ABI1: variants seen among roughly 807,000 people sequenced by gnomAD.
The protein encoded by ABI1 is abl interactor 1.
ABI1 carries 14 observed loss-of-function variants against 54.6 expected under a neutral mutation model. The ratio of observed to expected loss-of-function variants is 0.26; its 90% CI spans 0.17 to 0.40. The LOEUF is 0.40. Among genes scored for constraint, ABI1 ranks in the 10% least tolerant of loss-of-function variants. The pLI is 1.00. For synonymous variants in ABI1, 194 were observed against 209.3 expected (o/e 0.93, Z 0.63); for missense variants, 443 against 598.3 (o/e 0.74, Z 2.71).
At chr10:26,845,909 G>T in intron 1 of ABI1, among the ~76,000 whole-genome samples, 1 of 152,036 alleles carries the variant, frequency 6.6e-6, no homozygotes, top group South Asian at 2.1e-4. Context: ...TTGGGAGGCC[G>T]AGGCAGGCAG....
At chr10:26,799,006 C>T (rs771782791) in intron 2 of ABI1, among the ~76,000 whole-genome samples, 34 of 152,036 alleles carry the variant, frequency 2.2e-4, no homozygotes, top group Non-Finnish European at 3.7e-4. Context: ...GAACAGATGA[C>T]ATAAGTAGAA....
intron 7 of ABI1, among the ~76,000 whole-genome samples, chr10:26,764,441 A>G (rs1839642828): frequency 6.6e-6 from 1 of 152,248 alleles, no homozygotes; most frequent in Admixed American, 6.5e-5. Flanking sequence ...TAAAGTCACA[A>G]AATAAGCAAA....
chr10:26,848,603 GGCTT>G (rs1264120614), intron 1 of ABI1, among the ~76,000 whole-genome samples: 5 of 136,292 alleles, frequency 3.7e-5, no homozygotes, highest in African/African-American at 1.5e-4. Flanking sequence ...TATAAGAAGA[GGCTT>G]TTTTTTTTTT....
chr10:26,765,187 T>G (rs1291268558), intron 7 of ABI1, 31 bp downstream of exon 7: 1 of 1,413,266 alleles, frequency 7.1e-7, no homozygotes, highest in South Asian at 1.3e-5. Flanking sequence ...AATATTATCA[T>G]GTATTAAACA....
In ABI1 at chr10:26,795,141, C is replaced by CAAA. The variant is rs200953543; in HGVS notation, c.286-17903_286-17901dup. ...CCTGGGCGACAGAGCGAGACTGTCTCAAAAAAAAAAAAAAACCAAAAACAC... is the reference window on the plus strand; with the variant it reads ...CCTGGGCGACAGAGCGAGACTGTCTCAAAAAAAAAAAAAAAAAACCAAAAACAC... On this transcript the variant is annotated intron_variant, in intron 2 of 10. Coordinates refer to ENST00000376140, the MANE Select transcript of ABI1 (RefSeq NM_001012750.3). Among the ~76,000 whole-genome samples, 549 of 110,776 alleles carry CAAA rather than the reference C, an allele frequency of 5.0e-3. 3 individuals carry two copies. Among genetic ancestry groups the CAAA allele is most frequent in the African/African-American group, 0.011 (332 of 30,904 alleles). 72.7% of individuals were successfully genotyped at this position (110,776 alleles called of 152,430 possible).
chr10:26,784,733 T>G (rs1842526955), intron 2 of ABI1, among the ~76,000 whole-genome samples: 1 of 152,194 alleles, frequency 6.6e-6, no homozygotes, highest in African/African-American at 2.4e-5. Flanking sequence ...TAGAAAACTT[T>G]ATTTGAAATT....
At chr10:26,768,703 G>A in intron 6 of ABI1, 149 bp downstream of exon 6, 2 of 662,278 alleles carry the variant, frequency 3.0e-6, no homozygotes, top group Non-Finnish European at 5.0e-6. Flanking sequence ...AAACTTACAG[G>A]AACATATATA....
chr10:26,777,157 T>C lies in ABI1; in HGVS notation c.370A>G (p.Ile124Val). The C allele has an allele frequency of 6.2e-7, 1 of 1,613,988 alleles. No homozygotes were observed. Among genetic ancestry groups the C allele is most frequent in the Non-Finnish European group, 8.5e-7 (1 of 1,179,918 alleles). The change falls in exon 3 of 11, where the codon ATA becomes GTA. Residue 124 changes from isoleucine (I) to valine (V), a missense_variant. By Grantham distance (29) the Ile-to-Val change is conservative. This residue lies in a region of ABI1 where 394 missense variants were observed against 484.8 expected (regional missense o/e 0.81). Coordinates refer to ENST00000376140, the MANE Select transcript of ABI1 (RefSeq NM_001012750.3). ...CGCTCCATATTCGCAGGTGCTATTA[T>C]TTTGTGAGTTCTTGATGTATTCTTA... Reference protein sequence around the residue: ...TNKNTSRTHKIIAPANMERPV... With the variant: ...TNKNTSRTHKVIAPANMERPV...
At chr10:26,750,227 G>T (rs1216663521) in intron 10 of ABI1, among the ~76,000 whole-genome samples, 4 of 152,184 alleles carry the variant, frequency 2.6e-5, no homozygotes, top group Non-Finnish European at 5.9e-5. Context: ...GGCCACGCTC[G>T]GCTCATGCCG....
intron 7 of ABI1, among the ~76,000 whole-genome samples, chr10:26,762,234 C>A (rs538156819): frequency 6.6e-6 from 1 of 152,240 alleles, no homozygotes; most frequent in South Asian, 2.1e-4. Context: ...GTCTTGAACT[C>A]CTGGATCAAG....
At chr10:26,851,255 G>C (rs1490984928) in intron 1 of ABI1, among the ~76,000 whole-genome samples, 2 of 151,890 alleles carry the variant, frequency 1.3e-5, no homozygotes, top group African/African-American at 4.8e-5. Context: ...GAGTGCAGTG[G>C]CGCAACCATA....
intron 2 of ABI1, among the ~76,000 whole-genome samples, chr10:26,800,284 C>T (rs1014353510): frequency 5.3e-5 from 8 of 152,112 alleles, no homozygotes; most frequent in Non-Finnish European, 8.8e-5. Context: ...ACTCAAGAGG[C>T]TGAGGCAGGA....
chr10:26,761,452 T>C (rs939142617), intron 7 of ABI1, among the ~76,000 whole-genome samples: 5 of 151,186 alleles, frequency 3.3e-5, no homozygotes, highest in Non-Finnish European at 4.4e-5. Flanking sequence ...GTTATACATG[T>C]GAATTATACA....
chr10:26,824,968 T>G (rs1158952912), intron 1 of ABI1, among the ~76,000 whole-genome samples: 4 of 152,204 alleles, frequency 2.6e-5, no homozygotes, highest in Non-Finnish European at 5.9e-5. Flanking sequence ...TAAAAATACT[T>G]TATTGCTTAA....
rs572987308 is a variant in ABI1, at chr10:26,790,651, G to A, written c.286-13410C>T. 8 of 152,238 alleles carry A rather than the reference G, an allele frequency of 5.3e-5. 1 individual carries two copies. The South Asian group carries it at 1.7e-3, about 32-fold the overall frequency. The allele number at this position is 152,238 out of a possible 1,614,324, so 9.4% of individuals were successfully genotyped here. ...ACGTGCTGCAGAAGTGACCACTTAT[G>A]TTGTATTTTTATCACATAAAATGAA... On this transcript the variant is annotated intron_variant, in intron 2 of 10. Transcript: ENST00000376140.
intron 2 of ABI1, among the ~76,000 whole-genome samples, chr10:26,807,310 C>T (rs1163609659): frequency 6.6e-6 from 1 of 151,938 alleles, no homozygotes; most frequent in Admixed American, 6.6e-5. Flanking sequence ...CCCATCTCTA[C>T]AAAAAATACG....
At chr10:26,846,559 T>A (rs2049996214) in intron 1 of ABI1, among the ~76,000 whole-genome samples, 1 of 151,988 alleles carries the variant, frequency 6.6e-6, no homozygotes, top group Non-Finnish European at 1.5e-5. Flanking sequence ...GCCAGACTGG[T>A]CTCAAATTCC....
intron 1 of ABI1, among the ~76,000 whole-genome samples, chr10:26,841,748 T>C (rs2049527922): frequency 1.3e-5 from 2 of 152,284 alleles, no homozygotes; most frequent in East Asian, 3.9e-4. Context: ...AGGTCATCCA[T>C]GTTGTGGCAA....
intron 3 of ABI1, among the ~76,000 whole-genome samples, chr10:26,773,300 C>T (rs1588831256): frequency 6.8e-6 from 1 of 146,484 alleles, no homozygotes; most frequent in African/African-American, 2.5e-5. Flanking sequence ...CTCCCGGGTT[C>T]AAGCGAGTCT....
Sources: allele counts gnomAD v4.1 joint callset (sites outside exome capture counted in the v4.1 genomes callset), GRCh38; gene constraint gnomAD v4.1.1; regional missense constraint gnomAD v4.1.1; transcripts MANE v1.5; gene names NCBI Gene and HGNC (gene_info 2026-07-23, HGNC 2026-07-21).